Variants in LMX1A observed in about 807,000 individuals in gnomAD.
LMX1A encodes LIM homeobox transcription factor 1 alpha.
A neutral mutation model predicts 49.1 loss-of-function variants in LMX1A; 15 were observed. That is an observed-to-expected ratio of 0.31 (90% confidence interval 0.20 to 0.47). The LOEUF (loss-of-function observed/expected upper bound fraction) is 0.47, where lower values mean the gene tolerates loss of function less well. Ranked by LOEUF, LMX1A falls within the 20% of genes least tolerant of loss-of-function variation. LMX1A has a pLI of 1.00. For synonymous variants in LMX1A, 167 were observed against 185.7 expected (o/e 0.90, Z 0.82); for missense variants, 372 against 475.8 (o/e 0.78, Z 2.03).
chr1:165,335,274 A>C (rs1207457337), intron 3 of LMX1A, among the ~76,000 whole-genome samples: 1 of 152,210 alleles, frequency 6.6e-6, no homozygotes, highest in Middle Eastern at 3.2e-3. Context: ...TTAAAAAATA[A>C]AAATTTGAAG....
intron 3 of LMX1A, among the ~76,000 whole-genome samples, chr1:165,330,524 G>C (rs1655716242): frequency 6.6e-6 from 1 of 152,202 alleles, no homozygotes; most frequent in Admixed American, 6.5e-5. Flanking sequence ...TAATGGCTGA[G>C]TAGCTCCTAT....
At chr1:165,283,929 C>T (rs183924504) in intron 3 of LMX1A, among the ~76,000 whole-genome samples, 2 of 152,244 alleles carry the variant, frequency 1.3e-5, no homozygotes, top group African/African-American at 4.8e-5. Flanking sequence ...TGCTGGGAGG[C>T]AGAAGAAAGA....
At chr1:165,343,770 T>C (rs1482961490) in intron 3 of LMX1A, among the ~76,000 whole-genome samples, 3 of 152,162 alleles carry the variant, frequency 2.0e-5, no homozygotes, top group South Asian at 2.1e-4. Flanking sequence ...GCCATTCATA[T>C]AGATAAACAG....
intron 3 of LMX1A, among the ~76,000 whole-genome samples, chr1:165,282,953 C>T (rs956270329): frequency 6.6e-6 from 1 of 152,226 alleles, no homozygotes; most frequent in Admixed American, 6.5e-5. Context: ...CAAACCTCTA[C>T]TCTGACTTAT....
chr1:165,245,273 G>A (rs759449991), intron 4 of LMX1A, among the ~76,000 whole-genome samples: 11 of 151,942 alleles, frequency 7.2e-5, no homozygotes, highest in Non-Finnish European at 1.6e-4. Flanking sequence ...TAGAATCCTA[G>A]ATGTAAGCCA....
intron 6 of LMX1A, among the ~76,000 whole-genome samples, chr1:165,209,406 A>G (rs1051207674): frequency 6.6e-6 from 1 of 152,204 alleles, no homozygotes; most frequent in Non-Finnish European, 1.5e-5. Context: ...AGGTAGCTTC[A>G]GGGTGGAGAA....
At chr1:165,346,162 G>T (rs1656238921) in intron 3 of LMX1A, among the ~76,000 whole-genome samples, 1 of 152,130 alleles carries the variant, frequency 6.6e-6, no homozygotes, top group South Asian at 2.1e-4. Flanking sequence ...ATCCATAGTG[G>T]CCAGACAGCT....
At chr1:165,342,506 G>A (rs1042483298) in intron 3 of LMX1A, among the ~76,000 whole-genome samples, 1 of 152,060 alleles carries the variant, frequency 6.6e-6, no homozygotes, top group African/African-American at 2.4e-5. Flanking sequence ...TCTGGGGGCT[G>A]GGGGGAAGAA....
At chr1:165,307,072 G>C (rs777161911) in intron 3 of LMX1A, among the ~76,000 whole-genome samples, 1 of 152,234 alleles carries the variant, frequency 6.6e-6, no homozygotes, top group Non-Finnish European at 1.5e-5. Context: ...ATCAGGCAGT[G>C]CAGGCAAAGC....
intron 3 of LMX1A, among the ~76,000 whole-genome samples, chr1:165,313,028 GA>G (rs1655119842): frequency 6.6e-6 from 1 of 152,170 alleles, no homozygotes; most frequent in African/African-American, 2.4e-5. Context: ...AAAGTCCCCT[GA>G]AGAAGTGGCA....
chr1:165,212,392 C>T (rs1651443041), intron 5 of LMX1A, among the ~76,000 whole-genome samples: 1 of 152,170 alleles, frequency 6.6e-6, no homozygotes, highest in African/African-American at 2.4e-5. Context: ...GCTCCTTCAG[C>T]CTGGACCCTC....
chr1:165,257,352 T>A (rs1005587701), intron 3 of LMX1A, among the ~76,000 whole-genome samples: 1 of 151,860 alleles, frequency 6.6e-6, no homozygotes, highest in Non-Finnish European at 1.5e-5. Context: ...CAGCCTCAGC[T>A]CATGAGGGGG....
At chr1:165,235,290 T>C (rs1281120959) in intron 4 of LMX1A, among the ~76,000 whole-genome samples, 1 of 152,112 alleles carries the variant, frequency 6.6e-6, no homozygotes, top group Non-Finnish European at 1.5e-5. Context: ...GTTTCTTCAC[T>C]AGTGCATGTG....
intron 3 of LMX1A, among the ~76,000 whole-genome samples, chr1:165,273,249 C>G (rs969716264): frequency 1.3e-5 from 2 of 152,158 alleles, no homozygotes; most frequent in African/African-American, 4.8e-5. Context: ...AATGACCTGT[C>G]ATGACTTGGA....
intron 3 of LMX1A, among the ~76,000 whole-genome samples, chr1:165,348,398 T>G (rs1189579796): frequency 6.6e-6 from 1 of 152,132 alleles, no homozygotes; most frequent in Non-Finnish European, 1.5e-5. Context: ...AAAGAATGTT[T>G]CCAATCACCC....
chr1:165,315,065 C>T (rs1504698), intron 3 of LMX1A, among the ~76,000 whole-genome samples: 130,941 of 152,204 alleles, frequency 0.86, 56,428 homozygotes, highest in Middle Eastern at 0.9. Context: ...AGTTGCACTG[C>T]TTGTCTCTCT....
intron 3 of LMX1A, among the ~76,000 whole-genome samples, chr1:165,269,434 T>C (rs1481449006): frequency 6.6e-6 from 1 of 152,206 alleles, no homozygotes. Flanking sequence ...CCAGTAGAAC[T>C]TCCTGTGATG....
intron 3 of LMX1A, among the ~76,000 whole-genome samples, chr1:165,311,608 C>T (rs1655078388): frequency 6.6e-6 from 1 of 152,204 alleles, no homozygotes; most frequent in African/African-American, 2.4e-5. Context: ...ACTTTGAAGA[C>T]CAACAGCCTC....
At chr1:165,250,095 G>A (rs970818944) in intron 3 of LMX1A, among the ~76,000 whole-genome samples, 8 of 152,122 alleles carry the variant, frequency 5.3e-5, no homozygotes, top group African/African-American at 1.9e-4. Flanking sequence ...GGTGGGGGAA[G>A]GGAGAGCATT....
Sources: allele counts gnomAD v4.1 joint callset (sites outside exome capture counted in the v4.1 genomes callset), GRCh38; gene constraint gnomAD v4.1.1; transcripts MANE v1.5; gene names NCBI Gene and HGNC (gene_info 2026-07-23, HGNC 2026-07-21).